Variants in COL11A1 observed in about 807,000 individuals in gnomAD.
The protein encoded by COL11A1 is collagen type XI alpha 1 chain.
A neutral mutation model predicts 265.2 loss-of-function variants in COL11A1; 74 were observed. The observed-to-expected ratio is 0.28, with a 90% CI of 0.23 to 0.34. The LOEUF (loss-of-function observed/expected upper bound fraction) is 0.34, where lower values mean the gene tolerates loss of function less well. Among genes scored for constraint, COL11A1 ranks in the 10% least tolerant of loss-of-function variants. The pLI is 1.00. For synonymous variants in COL11A1, 816 were observed against 727.6 expected, an observed-to-expected ratio of 1.12 and a Z score of -1.96; for missense variants, 2,165 against 2,263.6, an observed-to-expected ratio of 0.96 and a Z score of 0.88.
intron 4 of COL11A1, among the ~76,000 whole-genome samples, chr1:103,065,979 A>G (rs575873040): frequency 6.6e-6 from 1 of 152,296 alleles, no homozygotes; most frequent in African/African-American, 2.4e-5. Context: ...CACAGGGACC[A>G]GAGACAAAAC....
chr1:103,024,104 G>A (rs1166797688), intron 7 of COL11A1, among the ~76,000 whole-genome samples: 2 of 151,998 alleles, frequency 1.3e-5, no homozygotes, highest in Non-Finnish European at 2.9e-5. Flanking sequence ...ATCATGATGA[G>A]GCTCAAATTA....
Position 102,890,648 on chromosome 1 carries a change from C to T in COL11A1, c.4303-144G>A, listed in dbSNP as rs1651650515. The T allele has an allele frequency of 2.1e-5, 12 of 582,832 alleles. No homozygotes were observed. In the South Asian group the frequency reaches 3.1e-4, roughly 15 times the overall value. The allele number at this position is 582,832 out of a possible 1,614,324, so 36.1% of individuals were successfully genotyped here. On this transcript the variant is annotated intron_variant, in intron 57 of 66. Transcript: ENST00000370096. ...GATTAATGTTGCTTTATTTTTAAGG[C>T]TTCTAAGTAAATTTATATATTTAAA...
chr1:102,995,934 G>A, intron 27 of COL11A1, 26 bp from the exon 28 acceptor site: 1 of 1,612,318 alleles, frequency 6.2e-7, no homozygotes, highest in Non-Finnish European at 8.5e-7. Flanking sequence ...GAAGTATTAA[G>A]TGAATATAAC....
At chr1:103,102,525 G>A (rs1412380087) in intron 1 of COL11A1, among the ~76,000 whole-genome samples, 2 of 152,052 alleles carry the variant, frequency 1.3e-5, no homozygotes, top group Non-Finnish European at 2.9e-5. Context: ...GGGAAGTGAA[G>A]GAGTAAAAGC....
chr1:103,005,995 G>A (rs1372779549), intron 17 of COL11A1, 73 bp downstream of exon 17: 2 of 1,610,694 alleles, frequency 1.2e-6, no homozygotes, highest in African/African-American at 1.3e-5. Flanking sequence ...TTCAGAAAAT[G>A]GATTTTTAAA....
chr1:102,969,516 G>A (rs896599298), intron 37 of COL11A1, among the ~76,000 whole-genome samples: 1 of 152,144 alleles, frequency 6.6e-6, no homozygotes, highest in Non-Finnish European at 1.5e-5. Flanking sequence ...CACTGGGATA[G>A]CCAGATGTCT....
chr1:103,058,156 G>GT (rs1670383553), intron 4 of COL11A1, among the ~76,000 whole-genome samples: 1 of 152,150 alleles, frequency 6.6e-6, no homozygotes, highest in Non-Finnish European at 1.5e-5. Flanking sequence ...AGCACTTGCT[G>GT]TTTCACTTTG....
chr1:103,054,090 G>A (rs981565593), intron 4 of COL11A1, among the ~76,000 whole-genome samples: 4 of 152,114 alleles, frequency 2.6e-5, no homozygotes, highest in Non-Finnish European at 5.9e-5. Context: ...GAATTGGATT[G>A]TTTTTGAATA....
chr1:102,931,479 C>T (rs1322991862), intron 46 of COL11A1, among the ~76,000 whole-genome samples: 2 of 152,094 alleles, frequency 1.3e-5, no homozygotes, highest in African/African-American at 4.8e-5. Flanking sequence ...AATCTCTCTT[C>T]TTATACATTT....
intron 4 of COL11A1, among the ~76,000 whole-genome samples, chr1:103,061,955 T>G (rs1176776738): frequency 6.6e-6 from 1 of 151,864 alleles, no homozygotes; most frequent in Non-Finnish European, 1.5e-5. Context: ...CTAAGCCAAC[T>G]AAGTAAGAGA....
chr1:102,885,320 G>A (rs2077569), intron 63 of COL11A1, among the ~76,000 whole-genome samples: 75,565 of 151,728 alleles, frequency 0.5, 21,968 homozygotes, highest in East Asian at 0.67. Flanking sequence ...GAAAGGAATC[G>A]AATTATTTCT....
At chr1:103,100,626 T>A (rs1283269236) in intron 1 of COL11A1, 1 of 151,966 alleles carries the variant, frequency 6.6e-6, no homozygotes, top group Admixed American at 6.6e-5. Context: ...ACCTGGTATT[T>A]TCTGTGGTTT....
intron 28 of COL11A1, among the ~76,000 whole-genome samples, chr1:102,993,765 C>A (rs1400951564): frequency 1.3e-5 from 2 of 152,184 alleles, no homozygotes; most frequent in Non-Finnish European, 2.9e-5. Flanking sequence ...TCTTGAACTA[C>A]TGGGCTCAAA....
intron 54 of COL11A1, among the ~76,000 whole-genome samples, chr1:102,905,515 TAAA>T (rs35687179): frequency 6.4e-5 from 9 of 140,098 alleles, no homozygotes; most frequent in East Asian, 4.2e-4. Flanking sequence ...CCATATAAGT[TAAA>T]AAAAAAAAAA....
At chr1:103,075,477 A>G (rs1671903886) in intron 3 of COL11A1, among the ~76,000 whole-genome samples, 3 of 152,112 alleles carry the variant, frequency 2.0e-5, no homozygotes, top group African/African-American at 7.2e-5. Flanking sequence ...CATGTGTGGA[A>G]TGAGACTCTC....
rs2101900198 is a variant in COL11A1, at chr1:103,014,690, G to T, written c.1489-96C>A. The T allele has an allele frequency of 4.0e-6, 4 of 1,007,406 alleles. No homozygotes were observed. The East Asian group carries it at 1.0e-4, about 26-fold the overall frequency. 62.4% of individuals were successfully genotyped at this position (1,007,406 alleles called of 1,614,324 possible). On this transcript the variant is annotated intron_variant, in intron 12 of 66. Coordinates refer to ENST00000370096, the MANE Select transcript of COL11A1 (RefSeq NM_001854.4). ...TTAGATAAAAACCACTTATTAAAAT[G>T]GTGGGATTTTACAAAATTACAAAGT...
intron 54 of COL11A1, among the ~76,000 whole-genome samples, chr1:102,902,380 T>C (rs1480374897): frequency 2.6e-5 from 4 of 152,266 alleles, no homozygotes; most frequent in East Asian, 3.9e-4. Flanking sequence ...AAATTTAGTA[T>C]ACAGTTAGCT....
chr1:103,097,543 T>C (rs1673876045), intron 1 of COL11A1, among the ~76,000 whole-genome samples: 2 of 152,002 alleles, frequency 1.3e-5, no homozygotes, highest in African/African-American at 4.8e-5. Flanking sequence ...GCATCTAGCA[T>C]AGCTGTAGTT....
chr1:103,106,838 CATT>C (rs1218705376), intron 1 of COL11A1, among the ~76,000 whole-genome samples: 3 of 152,128 alleles, frequency 2.0e-5, no homozygotes, highest in African/African-American at 7.2e-5. Flanking sequence ...GGCTGACTCT[CATT>C]AGGGAGAGCT....
Sources: allele counts gnomAD v4.1 joint callset (sites outside exome capture counted in the v4.1 genomes callset), GRCh38; gene constraint gnomAD v4.1.1; transcripts MANE v1.5; gene names NCBI Gene and HGNC (gene_info 2026-07-23, HGNC 2026-07-21).